The following GGTA1 variants were observed in gnomAD, a reference collection of about 807,000 sequenced individuals.
GGTA1 encodes inactive N-acetyllactosaminide alpha-1,3-galactosyltransferase.
A neutral mutation model predicts 2.6 loss-of-function variants in GGTA1; 5 were observed. The observed-to-expected ratio is 1.92, with a 90% CI of 1.00 to 4.04. GGTA1 has a LOEUF of 4.04. GGTA1 is among the 30% of genes most tolerant of loss of function. GGTA1 has a pLI of 0.00. For synonymous variants in GGTA1, 17 were observed against 5.0 expected (o/e 3.38, Z -3.19); for missense variants, 50 against 16.7 (o/e 2.99, Z -3.47).
intron 3 of GGTA1, 57 bp downstream of exon 3, chr9:121,463,236 G>A: frequency 2.2e-6 from 1 of 454,024 alleles, no homozygotes; most frequent in Admixed American, 2.4e-5. Flanking sequence ...GACTGTAGGG[G>A]GTGCCAGAGT....
At chr9:121,459,554 C>A (rs1564651412) in intron 5 of GGTA1, among the ~76,000 whole-genome samples, 1 of 152,240 alleles carries the variant, frequency 6.6e-6, no homozygotes. Flanking sequence ...CAGGAGCACC[C>A]TGTGACTCTG....
chr9:121,452,663 C>T (rs977995170), downstream of GGTA1, among the ~76,000 whole-genome samples: 2 of 151,988 alleles, frequency 1.3e-5, no homozygotes, highest in South Asian at 2.1e-4. Context: ...GGATTATAAG[C>T]GTGCCCCACC....
exon 8 of GGTA1, chr9:121,445,115 T>G (rs920174943): frequency 6.6e-6 from 1 of 152,204 alleles, no homozygotes; most frequent in African/African-American, 2.4e-5. Context: ...TTTAAAAAAA[T>G]CAAGAAATTC....
At chr9:121,482,652 C>T (rs1828676493) in intron 1 of GGTA1, among the ~76,000 whole-genome samples, 1 of 152,082 alleles carries the variant, frequency 6.6e-6, no homozygotes, top group Admixed American at 6.6e-5. Context: ...GCCTGCAATC[C>T]CAGCTACTCA....
chr9:121,456,441 G>A (rs572733338), intron 5 of GGTA1, among the ~76,000 whole-genome samples: 6 of 151,434 alleles, frequency 4.0e-5, no homozygotes, highest in Admixed American at 2.6e-4. Context: ...TTTTTCAGAC[G>A]GAGTTTGGCT....
intron 1 of GGTA1, 35 bp from the exon 2 acceptor site, chr9:121,467,966 C>G: frequency 2.3e-6 from 1 of 440,012 alleles, no homozygotes; most frequent in Non-Finnish European, 4.5e-6. Flanking sequence ...AAAAAGAGAA[C>G]AGATTAAATC....
Position 121,456,643 on chromosome 9 carries a change from C to T in GGTA1, c.299-802G>A, listed in dbSNP as rs141050554. Reference sequence around the variant, plus strand: ...GTTGGTCAGGCTGGTCTCGAACTCCCGACCTCAGGTGATCCACCCACCTTG... The same window carrying T: ...GTTGGTCAGGCTGGTCTCGAACTCCTGACCTCAGGTGATCCACCCACCTTG... On this transcript the variant is annotated intron_variant, in intron 5 of 5. Transcript: ENST00000481799. Among the ~76,000 whole-genome samples, 838 of 152,012 alleles carry T rather than the reference C, an allele frequency of 5.5e-3. 5 individuals are homozygous for T. The highest frequency in any genetic ancestry group is 0.019 in the African/African-American group (796 of 41,450).
chr9:121,467,174 G>T (rs923885076), intron 2 of GGTA1, among the ~76,000 whole-genome samples: 2 of 152,150 alleles, frequency 1.3e-5, no homozygotes, highest in Non-Finnish European at 2.9e-5. Flanking sequence ...TGCTTGTGAA[G>T]ACTTCAGTCA....
intron 1 of GGTA1, among the ~76,000 whole-genome samples, chr9:121,477,522 C>T (rs1334033195): frequency 6.7e-6 from 1 of 149,588 alleles, no homozygotes; most frequent in African/African-American, 2.5e-5. Context: ...GATATCACTT[C>T]TCATATTCCA....
chr9:121,461,228 C>A (rs1401640878), intron 4 of GGTA1, 24 bp downstream of exon 4: 3 of 455,936 alleles, frequency 6.6e-6, no homozygotes, highest in Non-Finnish European at 1.3e-5. Flanking sequence ...TGGGCAAACA[C>A]CGACTGCTGT....
chr9:121,496,757 A>AAAGAG (rs1554838784), intron 1 of GGTA1, among the ~76,000 whole-genome samples: 46 of 111,662 alleles, frequency 4.1e-4, no homozygotes, highest in Non-Finnish European at 6.0e-4. Flanking sequence ...AAAAAAAAAA[A>AAAGAG]AGAGAGAGAG....
At chr9:121,456,772 G>A (rs1424727814) in intron 5 of GGTA1, among the ~76,000 whole-genome samples, 1 of 151,802 alleles carries the variant, frequency 6.6e-6, no homozygotes, top group Non-Finnish European at 1.5e-5. Flanking sequence ...GTGGAATATA[G>A]GTGATCCTCC....
At position 121,476,325 on chromosome 9, in the gene GGTA1, C is replaced by A. The variant is rs1159668253; in HGVS notation, c.-9-8394G>T. Among the ~76,000 whole-genome samples the A allele has an allele frequency of 6.6e-6, 1 of 152,124 alleles. No individual in the cohort carries two copies. Among genetic ancestry groups the A allele is most frequent in the African/African-American group, 2.4e-5 (1 of 41,426 alleles). ...CACCCCACCCCACCTCCTTGCTCCA[C>A]CCCTGCCTCACCCTGTCCCCAGCCT... On this transcript the variant is annotated intron_variant, in intron 1 of 5. Transcript: ENST00000481799. The surrounding 1 kb of genome is among the most constrained non-coding windows in gnomAD (Gnocchi z 4.6).
intron 5 of GGTA1, among the ~76,000 whole-genome samples, chr9:121,457,378 G>A (rs1019332289): frequency 6.6e-6 from 1 of 152,174 alleles, no homozygotes; most frequent in African/African-American, 2.4e-5. Context: ...GGTACCTAAT[G>A]CCATGAAAAT....
At chr9:121,456,737 A>T (rs544998442) in intron 5 of GGTA1, among the ~76,000 whole-genome samples, 1 of 151,536 alleles carries the variant, frequency 6.6e-6, no homozygotes, top group East Asian at 1.9e-4. Context: ...AATTCTATGA[A>T]TCATGGAGTA....
At chr9:121,456,865 T>C (rs1282555696) in intron 5 of GGTA1, among the ~76,000 whole-genome samples, 1 of 151,914 alleles carries the variant, frequency 6.6e-6, no homozygotes, top group East Asian at 1.9e-4. Context: ...AGAGACAGGG[T>C]TTCACTAAGT....
chr9:121,465,786 A>AG (rs1554836819), intron 2 of GGTA1, among the ~76,000 whole-genome samples: 1 of 152,162 alleles, frequency 6.6e-6, no homozygotes, highest in Non-Finnish European at 1.5e-5. Flanking sequence ...ATGATGAGGA[A>AG]GAGGAGGAGG....
Position 121,474,895 on chromosome 9 carries a change from G to A in GGTA1, c.-9-6964C>T, listed in dbSNP as rs557897656. On this transcript the variant is annotated intron_variant, in intron 1 of 5. Transcript: ENST00000481799. ...TACATCAGGCCCCTAGAGCCCACCC[G>A]TCCTCCGCTTGAGCCTTAATCACTT... 3.9e-5 allele frequency among the ~76,000 whole-genome samples: 6 copies of A among 152,148 alleles called. No homozygotes were observed. In the South Asian group the frequency reaches 6.2e-4, roughly 16 times the overall value.
chr9:121,451,651 G>A (rs2064878891), downstream of GGTA1, among the ~76,000 whole-genome samples: 1 of 152,198 alleles, frequency 6.6e-6, no homozygotes. Context: ...GTGATCTGAG[G>A]AACCCATGGA....
Sources: gnomAD v4.1 joint callset for allele counts (sites outside exome capture counted in the v4.1 genomes callset) on GRCh38, gnomAD v4.1.1 for gene constraint, Gnocchi (gnomAD v3.1) non-coding constraint, MANE v1.5 for transcripts, NCBI Gene and HGNC (gene_info 2026-07-23, HGNC 2026-07-21) for gene names.